The following GCLC variants were observed in gnomAD, a reference collection of about 807,000 sequenced individuals.
GCLC encodes the protein glutamate-cysteine ligase catalytic subunit.
A neutral mutation model predicts 81.5 loss-of-function variants in GCLC; 30 were observed. The observed-to-expected ratio is 0.37, with a 90% CI of 0.28 to 0.50. GCLC has a LOEUF of 0.50. GCLC is among the 20% of genes least tolerant of loss of function. The probability of loss-of-function intolerance (pLI) is 0.96; values close to 1 mark genes in which losing one functional copy is unlikely to be tolerated. For synonymous variants in GCLC, 262 were observed against 273.3 expected, an observed-to-expected ratio of 0.96 and a Z score of 0.41; for missense variants, 556 against 777.4, an observed-to-expected ratio of 0.72 and a Z score of 3.39.
intron 1 of GCLC, among the ~76,000 whole-genome samples, chr6:53,536,559 G>A (rs1763260685): frequency 6.6e-6 from 1 of 152,142 alleles, no homozygotes. Flanking sequence ...GGTCTTTCCA[G>A]TAATACCAGC....
At chr6:53,523,215 A>AC (rs17885586) in intron 1 of GCLC, 46,051 of 152,174 alleles carry the variant, frequency 0.3, 7,290 homozygotes, top group Admixed American at 0.44. Flanking sequence ...GGACATAAAC[A>AC]CAAAGTCAGA....
intron 1 of GCLC, among the ~76,000 whole-genome samples, chr6:53,526,555 T>C (rs1250822835): frequency 6.6e-6 from 1 of 151,974 alleles, no homozygotes; most frequent in Non-Finnish European, 1.5e-5. Context: ...TCCCAGCACT[T>C]TGGGAGGCCG....
At chr6:53,543,139 C>T (rs1763388187) in intron 1 of GCLC, among the ~76,000 whole-genome samples, 1 of 152,194 alleles carries the variant, frequency 6.6e-6, no homozygotes, top group Admixed American at 6.5e-5. Context: ...GCCAACTACA[C>T]CAGGCACAAG....
At chr6:53,519,043 C>A (rs1435354573) in intron 3 of GCLC, among the ~76,000 whole-genome samples, 1 of 152,208 alleles carries the variant, frequency 6.6e-6, no homozygotes, top group African/African-American at 2.4e-5. Flanking sequence ...CCTCACTCAC[C>A]TCCTAGTAAG....
intron 1 of GCLC, among the ~76,000 whole-genome samples, chr6:53,535,616 T>C (rs1031052453): frequency 8.5e-5 from 13 of 152,160 alleles, no homozygotes; most frequent in Admixed American, 2.6e-4. Context: ...ATCCAAAATA[T>C]AGAGAACGCT....
chr6:53,500,497 T>C lies in GCLC; in HGVS notation c.1412A>G (p.Lys471Arg). 1 of 1,609,552 alleles carries C rather than the reference T, an allele frequency of 6.2e-7. No homozygotes were observed. Among genetic ancestry groups the C allele is most frequent in the Non-Finnish European group, 8.5e-7 (1 of 1,176,152 alleles). ...GACAGCATCTCTTTTCTGTGCTACC[T>C]TCATGTTCTCATCAACCTAAGGGAA... Reference protein sequence around the residue: ...IPLSKVDENMKVAQKRDAVLQ... With the variant: ...IPLSKVDENMRVAQKRDAVLQ... Residue 471 changes from lysine (K) to arginine (R), a missense_variant, in exon 13 of 16, where the codon AAG (lysine) becomes AGG (arginine). Coordinates refer to ENST00000650454, the MANE Select transcript of GCLC (RefSeq NM_001498.4).
Position 53,506,114 on chromosome 6 carries a change from C to A in GCLC, c.1198-219G>T. ...CAAAAGCTATGAGGCCCTATCACTG[C>A]AAGCTTAATCTCACCCAGCTCCTAC... On this transcript the variant is annotated intron_variant, in intron 10 of 15. Coordinates refer to ENST00000650454, the MANE Select transcript of GCLC (RefSeq NM_001498.4). The surrounding 1 kb of genome is among the most constrained non-coding windows in gnomAD (Gnocchi z 4.0). 2 of 498,922 alleles carry A rather than the reference C, an allele frequency of 4.0e-6. No homozygotes were observed. The highest frequency in any genetic ancestry group is 4.0e-5 in the South Asian group (2 of 50,026). The allele number at this position is 498,922 out of a possible 1,614,324, so 30.9% of individuals were successfully genotyped here. A position where few individuals can be genotyped will look rare whatever the true frequency, so the allele number is the denominator to read the frequency against.
intron 1 of GCLC, among the ~76,000 whole-genome samples, chr6:53,536,412 T>C (rs6932433): frequency 0.014 from 2,188 of 152,318 alleles, 25 homozygotes; most frequent in Middle Eastern, 0.085. Context: ...ACTTACCAAA[T>C]TGTACATTTT....
At chr6:53,538,332 T>A (rs1763293476) in intron 1 of GCLC, among the ~76,000 whole-genome samples, 1 of 145,476 alleles carries the variant, frequency 6.9e-6, no homozygotes, top group Non-Finnish European at 1.5e-5. Flanking sequence ...TGCATTTTCT[T>A]TTTTTTTTTT....
At chr6:53,514,104 T>C in intron 6 of GCLC, 100 bp downstream of exon 6, 1 of 1,174,078 alleles carries the variant, frequency 8.5e-7, no homozygotes, top group Non-Finnish European at 1.3e-6. Context: ...TTCAACCTCA[T>C]TAAAATGTGA....
At chr6:53,534,905 A>G (rs1763234204) in intron 1 of GCLC, among the ~76,000 whole-genome samples, 1 of 147,902 alleles carries the variant, frequency 6.8e-6, no homozygotes, top group African/African-American at 2.4e-5. Flanking sequence ...TACAGATTCA[A>G]TGCAATCCCA....
chr6:53,507,517 C>T lies in GCLC; in HGVS notation c.1047G>A (p.Thr349=), dbSNP rs770783129. 32 of 1,610,072 alleles carry T rather than the reference C, an allele frequency of 2.0e-5. No individual in the cohort carries two copies. The highest frequency in any genetic ancestry group is 3.3e-5 in the South Asian group (3 of 90,976). ...GCTGTTCGTAGATCTCTTTATCTAT[C>T]GTCAAGTCGATGTCATTATATTTCT... is the stretch of plus-strand genomic sequence containing the variant. ...CGEKYNDIDL[T]IDKEIYEQLL... is the part of the protein sequence containing the mutation. Residue 349 remains threonine, a synonymous_variant, in exon 9 of 16, where the codon ACG becomes ACA. Coordinates refer to ENST00000650454, the MANE Select transcript of GCLC (RefSeq NM_001498.4).
At chr6:53,520,046 C>T (rs1421394957) in intron 3 of GCLC, among the ~76,000 whole-genome samples, 1 of 152,150 alleles carries the variant, frequency 6.6e-6, no homozygotes, top group African/African-American at 2.4e-5. Context: ...TATACTGTCA[C>T]CATCTGACAG....
At chr6:53,522,382 T>A in intron 2 of GCLC, 33 bp downstream of exon 2, 1 of 1,231,998 alleles carries the variant, frequency 8.1e-7, no homozygotes, top group Non-Finnish European at 1.2e-6. Flanking sequence ...TTTAGCAGTT[T>A]CAGAAACACT....
intron 1 of GCLC, 141 bp downstream of exon 1, chr6:53,544,355 C>T: frequency 2.6e-6 from 2 of 766,926 alleles, no homozygotes; most frequent in Non-Finnish European, 4.3e-6. Context: ...ACGATGCTCC[C>T]GGGGCCGGGA....
At chr6:53,519,727 C>T (rs1451343111) in intron 3 of GCLC, among the ~76,000 whole-genome samples, 1 of 152,168 alleles carries the variant, frequency 6.6e-6, no homozygotes. Context: ...CACCCTCACC[C>T]AGCTGGGTTT....
rs201410638 is a variant in GCLC at position 53,544,634 on chromosome 6, C to T, written c.12G>A (p.Leu4=). 2.8e-5 allele frequency: 44 copies of T among 1,597,052 alleles called. No individual in the cohort carries two copies. In the East Asian group the frequency reaches 9.8e-4, roughly 36 times the overall value. The change falls in exon 1 of 16, where the codon CTG becomes CTA. Residue 4 remains leucine, a synonymous_variant. Transcript: ENST00000650454. MGL[L]SQGSPLSWEE... ...CCCAGCTCAGCGGCGAGCCCTGGGA[C>T]AGCAGCCCCATGGCCGCCCCCTCCT...
At position 53,514,335 on chromosome 6, in the gene GCLC, A is replaced by G. The variant is rs373494560; in HGVS notation, c.622T>C (p.Phe208Leu). The change falls in exon 6 of 16, where the codon TTT (phenylalanine) becomes CTT (leucine). Residue 208 changes from phenylalanine (F) to leucine (L), a missense_variant and splice_region_variant. Physicochemically the swap from Phe to Leu is conservative, Grantham distance 22. This residue lies in a region of GCLC where 234 missense variants were observed against 303.8 expected (regional missense o/e 0.77). Coordinates refer to ENST00000650454, the MANE Select transcript of GCLC (RefSeq NM_001498.4). ...GGAGATGGTGTATTCTTGTCCTTAAATACTGTATTATAAAAATACAAAAAT... is the reference window on the plus strand; with the variant it reads ...GGAGATGGTGTATTCTTGTCCTTAAGTACTGTATTATAAAAATACAAAAAT... ...GEKVVINVPIFKDKNTPSPFI... is the reference protein window; with the variant it reads ...GEKVVINVPILKDKNTPSPFI... 19 of 1,587,894 alleles carry G rather than the reference A, an allele frequency of 1.2e-5. No homozygotes were observed. Among genetic ancestry groups the G allele is most frequent in the Non-Finnish European group, 1.6e-5 (19 of 1,156,316 alleles).
chr6:53,544,320 G>A (rs962614943), intron 1 of GCLC, among the ~76,000 whole-genome samples, 176 bp downstream of exon 1: 1 of 152,220 alleles, frequency 6.6e-6, no homozygotes, highest in African/African-American at 2.4e-5. Flanking sequence ...GGATGGCCCT[G>A]GACGCGGACT....
Sources: allele counts gnomAD v4.1 joint callset (sites outside exome capture counted in the v4.1 genomes callset), GRCh38; gene constraint gnomAD v4.1.1; regional missense constraint gnomAD v4.1.1; non-coding constraint Gnocchi (gnomAD v3.1); transcripts MANE v1.5; gene names NCBI Gene and HGNC (gene_info 2026-07-23, HGNC 2026-07-21).